Variants in SOX5 observed in about 807,000 individuals in gnomAD.
SOX5 encodes the protein transcription factor SOX-5.
SOX5 carries 9 observed loss-of-function variants against 92.0 expected under a neutral mutation model. That is an observed-to-expected ratio of 0.10 (90% CI 0.06 to 0.17). The LOEUF (loss-of-function observed/expected upper bound fraction) is 0.17. Ranked by LOEUF, SOX5 falls within the 10% of genes least tolerant of loss-of-function variation. The pLI is 1.00. For missense variants in SOX5, 642 were observed against 944.5 expected (o/e 0.68, Z 4.20); for synonymous variants, 344 against 336.3 (o/e 1.02, Z -0.25).
intron 1 of SOX5, among the ~76,000 whole-genome samples, chr12:24,517,004 T>C (rs1453685145): frequency 6.6e-6 from 1 of 152,162 alleles, no homozygotes. Flanking sequence ...AACATGAGAA[T>C]AAAAAATTAT....
intron 10 of SOX5, among the ~76,000 whole-genome samples, chr12:23,572,467 A>G (rs914979160): frequency 6.6e-6 from 1 of 151,944 alleles, no homozygotes; most frequent in Non-Finnish European, 1.5e-5. Flanking sequence ...AAAAAAAAAA[A>G]AGAGATGTTT....
At chr12:23,972,593 A>C (rs1211259888) in intron 4 of SOX5, among the ~76,000 whole-genome samples, 1 of 152,172 alleles carries the variant, frequency 6.6e-6, no homozygotes, top group East Asian at 1.9e-4. Flanking sequence ...TCCTAACCTC[A>C]GGTGATCCAC....
At chr12:24,032,136 G>A (rs1186689746) in intron 4 of SOX5, among the ~76,000 whole-genome samples, 1 of 151,784 alleles carries the variant, frequency 6.6e-6, no homozygotes, top group Non-Finnish European at 1.5e-5. Flanking sequence ...TGGTAACACT[G>A]AAACTGTTGG....
At chr12:24,047,543 G>A (rs1957168890) in intron 4 of SOX5, among the ~76,000 whole-genome samples, 1 of 152,158 alleles carries the variant, frequency 6.6e-6, no homozygotes, top group East Asian at 1.9e-4. Context: ...CTTAAAGACT[G>A]TAGGCGTTTA....
chr12:23,865,501 C>T (rs1016678696), intron 2 of SOX5, among the ~76,000 whole-genome samples: 3 of 152,010 alleles, frequency 2.0e-5, no homozygotes, highest in Non-Finnish European at 2.9e-5. Flanking sequence ...TGGTGACACC[C>T]CATCTCTACT....
At chr12:23,625,829 G>A (rs1179600784) in intron 8 of SOX5, among the ~76,000 whole-genome samples, 1 of 152,096 alleles carries the variant, frequency 6.6e-6, no homozygotes, top group Non-Finnish European at 1.5e-5. Flanking sequence ...GGCTGGTCTT[G>A]AACTCCTGAC....
chr12:24,503,291 G>A (rs961208079), intron 1 of SOX5, among the ~76,000 whole-genome samples: 6 of 152,144 alleles, frequency 3.9e-5, no homozygotes, highest in Non-Finnish European at 8.8e-5. Context: ...CAACAAATAG[G>A]GAGGCTGAGG....
chr12:23,708,125 T>C (rs1452405617), intron 6 of SOX5, among the ~76,000 whole-genome samples: 1 of 151,800 alleles, frequency 6.6e-6, no homozygotes, highest in Non-Finnish European at 1.5e-5. Context: ...AAGCATAGAA[T>C]GGTAAATACT....
At chr12:24,276,501 C>G (rs1944449392) in intron 3 of SOX5, among the ~76,000 whole-genome samples, 1 of 152,136 alleles carries the variant, frequency 6.6e-6, no homozygotes, top group South Asian at 2.1e-4. Flanking sequence ...TTCAATCTTA[C>G]TGGTGACAAA....
intron 1 of SOX5, among the ~76,000 whole-genome samples, chr12:24,391,105 A>G (rs1596217233): frequency 1.3e-5 from 2 of 152,240 alleles, no homozygotes; most frequent in South Asian, 4.1e-4. Flanking sequence ...TGACTTTTTA[A>G]TAATAGCCAT....
chr12:23,709,802 G>A (rs2091858199), intron 6 of SOX5, among the ~76,000 whole-genome samples: 1 of 152,128 alleles, frequency 6.6e-6, no homozygotes, highest in Non-Finnish European at 1.5e-5. Context: ...AATCATACTA[G>A]TATCAACGTA....
At chr12:24,174,734 T>C (rs536593362) in intron 4 of SOX5, among the ~76,000 whole-genome samples, 1 of 151,860 alleles carries the variant, frequency 6.6e-6, no homozygotes, top group South Asian at 2.1e-4. Flanking sequence ...GGAAGGAGAA[T>C]CGCTTGAACC....
At position 23,882,588 on chromosome 12, in the gene SOX5, A is replaced by C. The variant is rs138390085; in HGVS notation, c.270+13205T>G. Among the ~76,000 whole-genome samples the C allele has an allele frequency of 5.4e-3, 816 of 152,256 alleles. 8 individuals carry two copies. Among genetic ancestry groups the C allele is most frequent in the African/African-American group, 0.019 (774 of 41,538 alleles). ...GTATAGTATATGAAGCTACAGAAGA[A>C]TGATTCGATTTATTGGAGTAAGTTG... On this transcript the variant is annotated intron_variant, in intron 2 of 14. Transcript: ENST00000451604.
At chr12:23,640,961 C>T (rs1185491333) in intron 7 of SOX5, 64 bp from the exon 8 acceptor site, 15 of 1,076,656 alleles carry the variant, frequency 1.4e-5, no homozygotes, top group Admixed American at 1.1e-4. Flanking sequence ...AAATTAAACT[C>T]ATGCATTCAC....
chr12:23,819,992 T>G (rs2096074737), intron 3 of SOX5, among the ~76,000 whole-genome samples: 1 of 152,230 alleles, frequency 6.6e-6, no homozygotes. Context: ...TCTAGATCCT[T>G]GAGGAATCGC....
At chr12:23,665,696 T>C (rs1181300567) in intron 6 of SOX5, 132 bp from the exon 7 acceptor site, 1 of 1,030,002 alleles carries the variant, frequency 9.7e-7, no homozygotes, top group African/African-American at 1.6e-5. Context: ...CTTGCTGGGA[T>C]ACTGGGCTTG....
At chr12:23,589,572 A>C (rs556885799) in intron 9 of SOX5, among the ~76,000 whole-genome samples, 2 of 152,080 alleles carry the variant, frequency 1.3e-5, no homozygotes, top group African/African-American at 2.4e-5. Flanking sequence ...CGAATACTTT[A>C]TTTAAAGCAC....
chr12:24,046,349 T>TC (rs1241665428), intron 4 of SOX5, among the ~76,000 whole-genome samples: 3 of 152,164 alleles, frequency 2.0e-5, no homozygotes, highest in African/African-American at 7.2e-5. Context: ...GCCTTTTTTT[T>TC]CCCTTTCCAG....
Position 23,534,541 on chromosome 12 carries a change from C to T in SOX5, c.1989-19G>A. 1.9e-6 allele frequency: 3 copies of T among 1,595,534 alleles called. No homozygotes were observed. The highest frequency in any genetic ancestry group is 1.7e-6 in the Non-Finnish European group (2 of 1,170,864). On this transcript the variant is annotated intron_variant, in intron 14 of 14. Coordinates refer to ENST00000451604, the MANE Select transcript of SOX5 (RefSeq NM_006940.6). ...TTGTTGCCTGTCAAGAAAGGAATTT[C>T]CAAAAAGACATCGTGGGTAAGTGAA... is the stretch of plus-strand genomic sequence containing the variant.
Sources: allele counts gnomAD v4.1 joint callset (sites outside exome capture counted in the v4.1 genomes callset), GRCh38; gene constraint gnomAD v4.1.1; transcripts MANE v1.5; gene names NCBI Gene and HGNC (gene_info 2026-07-23, HGNC 2026-07-21).